The following ARMC9 variants were observed in gnomAD, a reference collection of about 807,000 sequenced individuals.
ARMC9 encodes lisH domain-containing protein ARMC9.
A neutral mutation model predicts 107.0 loss-of-function variants in ARMC9; 94 were observed. The ratio of observed to expected loss-of-function variants is 0.88; its 90% CI spans 0.74 to 1.04. The LOEUF is 1.04. Among genes scored for constraint, ARMC9 ranks in the 50% least tolerant of loss-of-function variants. ARMC9 has a pLI of 0.00. For synonymous variants in ARMC9, 380 were observed against 396.9 expected (o/e 0.96, Z 0.51); for missense variants, 942 against 1,030.1 (o/e 0.91, Z 1.17).
At chr2:231,202,237 C>T (rs780065257) in intron 1 of ARMC9, among the ~76,000 whole-genome samples, 9 of 151,554 alleles carry the variant, frequency 5.9e-5, no homozygotes, top group Non-Finnish European at 1.3e-4. Flanking sequence ...CAGCATCAGG[C>T]GATCTGCCTG....
chr2:231,248,051 C>G (rs2036934708), intron 9 of ARMC9, among the ~76,000 whole-genome samples: 1 of 152,262 alleles, frequency 6.6e-6, no homozygotes, highest in African/African-American at 2.4e-5. Flanking sequence ...GAATGCCTGA[C>G]AGCTTCACCA....
chr2:231,270,906 C>G, intron 12 of ARMC9, 76 bp from the exon 13 acceptor site: 1 of 1,250,972 alleles, frequency 8.0e-7, no homozygotes, highest in Non-Finnish European at 1.2e-6. Context: ...AAGAGAACTA[C>G]CAGACCCGAA....
At chr2:231,310,632 G>A (rs1465342428) in intron 19 of ARMC9, among the ~76,000 whole-genome samples, 1 of 151,706 alleles carries the variant, frequency 6.6e-6, no homozygotes, top group African/African-American at 2.4e-5. Flanking sequence ...TTGGGAGGCT[G>A]AGGCAGGAGA....
At chr2:231,327,901 C>A (rs975653448) in intron 19 of ARMC9, among the ~76,000 whole-genome samples, 2 of 152,172 alleles carry the variant, frequency 1.3e-5, no homozygotes, top group Non-Finnish European at 2.9e-5. Flanking sequence ...TCTCATGCTT[C>A]AACCTCCAAA....
intron 22 of ARMC9, among the ~76,000 whole-genome samples, chr2:231,359,502 C>T (rs1030424895): frequency 6.6e-6 from 1 of 152,086 alleles, no homozygotes; most frequent in African/African-American, 2.4e-5. Context: ...TGGGACACTC[C>T]AGCTCAGTTC....
chr2:231,348,487 G>A (rs1369343889), intron 21 of ARMC9, among the ~76,000 whole-genome samples: 2 of 152,196 alleles, frequency 1.3e-5, no homozygotes, highest in Non-Finnish European at 2.9e-5. Context: ...ACAACTACAG[G>A]AAAACATTGG....
At chr2:231,291,551 C>T (rs2040993822) in intron 18 of ARMC9, 108 bp downstream of exon 18, 1 of 1,115,832 alleles carries the variant, frequency 9.0e-7, no homozygotes, top group Admixed American at 1.9e-5. Context: ...GGCACGGTGG[C>T]TCGTGCTTAT....
At position 231,266,236 on chromosome 2, in the gene ARMC9, C is replaced by T. The variant is rs546545796; in HGVS notation, c.1119+3838C>T. Among the ~76,000 whole-genome samples the T allele has an allele frequency of 3.3e-5, 5 of 152,268 alleles. No homozygotes were observed. In the East Asian group the frequency reaches 9.6e-4, roughly 29 times the overall value. ...ATTAAAACAGATCACTGGGTCCCAC[C>T]AACAGTTTCCATTCAATAGGTCTAT... On this transcript the variant is annotated intron_variant, in intron 12 of 24. Coordinates refer to ENST00000611582, the MANE Select transcript of ARMC9 (RefSeq NM_001352754.2).
At chr2:231,344,343 G>T (rs1387957876) in intron 20 of ARMC9, among the ~76,000 whole-genome samples, 1 of 152,210 alleles carries the variant, frequency 6.6e-6, no homozygotes, top group Non-Finnish European at 1.5e-5. Context: ...GTTGAAGAAT[G>T]CCACCTTGTT....
chr2:231,299,370 C>A (rs890238554), intron 19 of ARMC9, among the ~76,000 whole-genome samples: 14 of 152,052 alleles, frequency 9.2e-5, no homozygotes, highest in African/African-American at 3.4e-4. Flanking sequence ...ACATGTACGC[C>A]CTCTTTGCTG....
chr2:231,237,377 T>C (rs1270871311), intron 8 of ARMC9, among the ~76,000 whole-genome samples: 2 of 152,180 alleles, frequency 1.3e-5, no homozygotes, highest in Admixed American at 6.5e-5. Flanking sequence ...TGAATCATTA[T>C]CAGATCTCTG....
intron 7 of ARMC9, among the ~76,000 whole-genome samples, chr2:231,227,946 T>G (rs1428586732): frequency 1.3e-5 from 2 of 152,200 alleles, no homozygotes; most frequent in Non-Finnish European, 1.5e-5. Context: ...TACGGCCCCA[T>G]GGGATCAACC....
chr2:231,252,293 A>T (rs539389034), intron 9 of ARMC9, among the ~76,000 whole-genome samples: 26 of 152,200 alleles, frequency 1.7e-4, no homozygotes, highest in Non-Finnish European at 3.2e-4. Flanking sequence ...CTTGTCACCC[A>T]GGCTGGAATG....
intron 21 of ARMC9, among the ~76,000 whole-genome samples, chr2:231,352,052 G>C (rs991657678): frequency 3.3e-5 from 5 of 152,044 alleles, no homozygotes; most frequent in African/African-American, 1.2e-4. Flanking sequence ...ACTGCAGCTT[G>C]ACCTCCTGGG....
chr2:231,263,593 A>G (rs2038587383), intron 12 of ARMC9, among the ~76,000 whole-genome samples: 1 of 152,232 alleles, frequency 6.6e-6, no homozygotes, highest in African/African-American at 2.4e-5. Context: ...AAATGTCGAT[A>G]TGAGTTTTGG....
chr2:231,371,154 TC>T (rs2046005764), intron 24 of ARMC9: 1 of 527,836 alleles, frequency 1.9e-6, no homozygotes, highest in Non-Finnish European at 3.6e-6. Context: ...GGGGCAGGGA[TC>T]CCCAGTCATA....
chr2:231,253,469 C>T (rs1320153920), intron 9 of ARMC9, among the ~76,000 whole-genome samples: 2 of 152,068 alleles, frequency 1.3e-5, no homozygotes, highest in African/African-American at 2.4e-5. Context: ...CTGGGTTGAA[C>T]CCAGTAGGCG....
chr2:231,248,336 C>T (rs1010800144), intron 9 of ARMC9, among the ~76,000 whole-genome samples: 5 of 152,176 alleles, frequency 3.3e-5, no homozygotes, highest in Non-Finnish European at 7.3e-5. Context: ...GATTATTTGT[C>T]ACATGGGATC....
At chr2:231,335,142 G>T (rs1470615201) in intron 20 of ARMC9, among the ~76,000 whole-genome samples, 1 of 152,208 alleles carries the variant, frequency 6.6e-6, no homozygotes, top group Non-Finnish European at 1.5e-5. Flanking sequence ...CCGTCAAGAA[G>T]TTTTCAGAAG....
Sources: gnomAD v4.1 joint callset for allele counts (sites outside exome capture counted in the v4.1 genomes callset) on GRCh38, gnomAD v4.1.1 for gene constraint, MANE v1.5 for transcripts, NCBI Gene and HGNC (gene_info 2026-07-23, HGNC 2026-07-21) for gene names.